Variants in ACTL8 observed in about 807,000 individuals in gnomAD.
The protein encoded by ACTL8 is actin-like protein 8.
ACTL8 carries 3 observed loss-of-function variants against 9.3 expected under a neutral mutation model. The ratio of observed to expected loss-of-function variants is 0.32; its 90% CI spans 0.15 to 0.83. The LOEUF (loss-of-function observed/expected upper bound fraction) is 0.83, where lower values mean the gene tolerates loss of function less well. Ranked by LOEUF, ACTL8 falls within the 40% of genes least tolerant of loss-of-function variation. ACTL8 has a pLI of 0.57. For synonymous variants in ACTL8, 224 were observed against 205.9 expected (o/e 1.09, Z -0.75); for missense variants, 381 against 492.2 (o/e 0.77, Z 2.14).
intron 1 of ACTL8, among the ~76,000 whole-genome samples, chr1:17,778,426 C>T (rs920749748): frequency 1.3e-5 from 2 of 152,038 alleles, no homozygotes; most frequent in East Asian, 3.9e-4. Context: ...CCTGAATCAT[C>T]ATTTCATTCC....
chr1:17,801,260 G>A (rs11581277), intron 1 of ACTL8, among the ~76,000 whole-genome samples: 24,939 of 152,152 alleles, frequency 0.16, 2,789 homozygotes, highest in African/African-American at 0.31. Flanking sequence ...ATTTACTCAA[G>A]GTCACACAGC....
intron 1 of ACTL8, among the ~76,000 whole-genome samples, chr1:17,812,601 T>G (rs948771372): frequency 6.6e-6 from 1 of 151,030 alleles, no homozygotes; most frequent in African/African-American, 2.4e-5. Context: ...TGTCAATTTT[T>G]TTTTTTTTTT....
At chr1:17,808,031 A>T (rs1244630816) in intron 1 of ACTL8, among the ~76,000 whole-genome samples, 1 of 152,234 alleles carries the variant, frequency 6.6e-6, no homozygotes, top group East Asian at 1.9e-4. Flanking sequence ...AGCAGTGCTG[A>T]TACCCATAAA....
intron 1 of ACTL8, among the ~76,000 whole-genome samples, chr1:17,771,067 A>C (rs1467590308): frequency 6.6e-6 from 1 of 152,200 alleles, no homozygotes; most frequent in East Asian, 1.9e-4. Flanking sequence ...AGCGTATAGA[A>C]CAGGGGCGGC....
At chr1:17,760,721 CAGA>C (rs60791938) in intron 1 of ACTL8, among the ~76,000 whole-genome samples, 44,747 of 151,824 alleles carry the variant, frequency 0.29, 6,820 homozygotes, top group Admixed American at 0.38. Flanking sequence ...TGGCATCCCT[CAGA>C]GGAGTGGGTG....
Position 17,826,080 on chromosome 1 carries a change from C to A in ACTL8, c.662C>A (p.Ala221Asp), listed in dbSNP as rs768293838. 6.2e-7 allele frequency: 1 copy of A among 1,608,004 alleles called. No homozygotes were observed. The highest frequency in any genetic ancestry group is 1.1e-5 in the South Asian group (1 of 91,082). The change falls in exon 3 of 3, where the codon GCC becomes GAC. Residue 221 changes from alanine to aspartate, a missense_variant. By Grantham distance (126) the Ala-to-Asp change is moderately radical. This residue lies in a region of ACTL8 where 243 missense variants were observed against 276.2 expected (regional missense o/e 0.88). Transcript: ENST00000375406. This position sits in a 1 kb window ranked among gnomAD's most constrained non-coding sequence, Gnocchi z 4.5. ...TACGTGCCGCAGAATCTGGGGGAGGCCCTGGACTTTCGTGAGAGGCAGCAG... is the reference window on the plus strand; with the variant it reads ...TACGTGCCGCAGAATCTGGGGGAGGACCTGGACTTTCGTGAGAGGCAGCAG... ...KCYVPQNLGE[A>D]LDFRERQQSA...
chr1:17,796,900 C>T (rs2066281428), intron 1 of ACTL8, among the ~76,000 whole-genome samples: 1 of 152,220 alleles, frequency 6.6e-6, no homozygotes, highest in African/African-American at 2.4e-5. Flanking sequence ...ACCGGCACTG[C>T]CGTGGCAAGT....
intron 1 of ACTL8, among the ~76,000 whole-genome samples, chr1:17,796,536 G>A (rs2066278473): frequency 6.6e-6 from 1 of 152,168 alleles, no homozygotes; most frequent in South Asian, 2.1e-4. Context: ...AAGGTCAGTG[G>A]CAGCCAGCGG....
chr1:17,818,161 C>A (rs1358230345), intron 1 of ACTL8, among the ~76,000 whole-genome samples: 1 of 152,196 alleles, frequency 6.6e-6, no homozygotes, highest in African/African-American at 2.4e-5. Flanking sequence ...TCTTTTCCAT[C>A]ATAGTAAATG....
intron 1 of ACTL8, among the ~76,000 whole-genome samples, chr1:17,796,605 C>G (rs187802802): frequency 6.6e-6 from 1 of 152,232 alleles, no homozygotes; most frequent in Admixed American, 6.5e-5. Flanking sequence ...CCTCCACCCC[C>G]TCTGGGGTAA....
chr1:17,760,183 G>A (rs993534139), intron 1 of ACTL8, among the ~76,000 whole-genome samples: 1 of 152,174 alleles, frequency 6.6e-6, no homozygotes, highest in Non-Finnish European at 1.5e-5. Context: ...CTTTGGGAAG[G>A]CCAGGCCACA....
chr1:17,788,046 T>G (rs1239165162), intron 1 of ACTL8, among the ~76,000 whole-genome samples: 1 of 152,230 alleles, frequency 6.6e-6, no homozygotes, highest in Non-Finnish European at 1.5e-5. Flanking sequence ...GCCGTGCTCT[T>G]GTGAGTTGCA....
At chr1:17,820,786 G>A (rs1335787567) in intron 1 of ACTL8, among the ~76,000 whole-genome samples, 3 of 151,758 alleles carry the variant, frequency 2.0e-5, no homozygotes, top group African/African-American at 7.3e-5. Context: ...CATGTTGGTC[G>A]GGCTGGTCTT....
chr1:17,804,059 T>A (rs996675606), intron 1 of ACTL8, among the ~76,000 whole-genome samples: 2 of 152,340 alleles, frequency 1.3e-5, no homozygotes, highest in Middle Eastern at 6.8e-3. Flanking sequence ...GGAAATTGAT[T>A]GATTCAACGA....
Position 17,826,656 on chromosome 1 carries a change from A to G in ACTL8, c.*137A>G, listed in dbSNP as rs1286349014. 2 of 866,340 alleles carry G rather than the reference A, an allele frequency of 2.3e-6. No individual in the cohort carries two copies. The highest frequency in any genetic ancestry group is 5.5e-5 in the East Asian group (2 of 36,404). 53.7% of individuals were successfully genotyped at this position (866,340 alleles called of 1,614,324 possible). A position where few individuals can be genotyped will look rare whatever the true frequency, so the allele number is the denominator to read the frequency against. ...TTTGGAATTCTAGGGGCATGAGGGT[A>G]TTTTTTAGGTTCTAAGGTTTTATCT... is the stretch of plus-strand genomic sequence containing the variant. On this transcript the variant is annotated 3_prime_UTR_variant, in exon 3 of 3. Coordinates refer to ENST00000375406, the MANE Select transcript of ACTL8 (RefSeq NM_030812.3). The surrounding 1 kb of genome is among the most constrained non-coding windows in gnomAD (Gnocchi z 4.5).
chr1:17,802,452 T>TGTGTG (rs2066328445), intron 1 of ACTL8, among the ~76,000 whole-genome samples: 2 of 147,542 alleles, frequency 1.4e-5, no homozygotes, highest in Admixed American at 6.7e-5. Flanking sequence ...TGTGTGTGTG[T>TGTGTG]TGGAGGGCAG....
chr1:17,756,626 A>G (rs2065970876), intron 1 of ACTL8, among the ~76,000 whole-genome samples: 1 of 152,184 alleles, frequency 6.6e-6, no homozygotes, highest in South Asian at 2.1e-4. Context: ...ACTGGACCCA[A>G]ACTGATACAG....
intron 2 of ACTL8, 50 bp from the exon 3 acceptor site, chr1:17,825,717 G>A: frequency 6.3e-7 from 1 of 1,575,512 alleles, no homozygotes; most frequent in Non-Finnish European, 8.6e-7. Flanking sequence ...AGCTTTGACT[G>A]CTGAGCAGGC....
intron 1 of ACTL8, among the ~76,000 whole-genome samples, chr1:17,815,870 G>C (rs1451862953): frequency 6.6e-6 from 1 of 152,014 alleles, no homozygotes; most frequent in Non-Finnish European, 1.5e-5. Context: ...CTGTGTTTTA[G>C]ATTGAATAAT....
Sources: allele counts gnomAD v4.1 joint callset (sites outside exome capture counted in the v4.1 genomes callset), GRCh38; gene constraint gnomAD v4.1.1; regional missense constraint gnomAD v4.1.1; non-coding constraint Gnocchi (gnomAD v3.1); transcripts MANE v1.5; gene names NCBI Gene and HGNC (gene_info 2026-07-23, HGNC 2026-07-21).